The following SULF2 variants were observed in gnomAD, a reference collection of about 807,000 sequenced individuals.
SULF2 encodes sulfatase 2.
In SULF2, 52 loss-of-function variants were observed where a neutral mutation model predicts 107.7. The ratio of observed to expected loss-of-function variants is 0.48; its 90% CI spans 0.39 to 0.61. The LOEUF (loss-of-function observed/expected upper bound fraction) is 0.61, where lower values mean the gene tolerates loss of function less well. Among genes scored for constraint, SULF2 ranks in the 20% least tolerant of loss-of-function variants. SULF2 has a pLI of 0.00. For missense variants in SULF2, 993 were observed against 1,177.3 expected (o/e 0.84, Z 2.29); for synonymous variants, 460 against 464.3 (o/e 0.99, Z 0.12).
At chr20:47,780,286 A>G (rs1288199783) in intron 1 of SULF2, among the ~76,000 whole-genome samples, 1 of 151,250 alleles carries the variant, frequency 6.6e-6, no homozygotes, top group Non-Finnish European at 1.5e-5. Flanking sequence ...CAAAGTGCTG[A>G]GATTTCAGGC....
At chr20:47,713,423 A>T (rs1001962880) in intron 3 of SULF2, among the ~76,000 whole-genome samples, 3 of 152,168 alleles carry the variant, frequency 2.0e-5, no homozygotes, top group Non-Finnish European at 4.4e-5. Flanking sequence ...CAGTTTAAAA[A>T]GTTGTCCAAA....
intron 2 of SULF2, among the ~76,000 whole-genome samples, chr20:47,756,077 C>T (rs1395546374): frequency 3.3e-5 from 5 of 152,210 alleles, no homozygotes; most frequent in African/African-American, 4.8e-5. Context: ...AATGAACAAA[C>T]GTGCAGGGCA....
At chr20:47,746,994 A>ATATATATATAT (rs1555853891) in intron 2 of SULF2, among the ~76,000 whole-genome samples, 3 of 131,894 alleles carry the variant, frequency 2.3e-5, no homozygotes, top group Non-Finnish European at 4.9e-5. Flanking sequence ...AAAAAAAAAA[A>ATATATATATAT]ATATATATAT....
upstream of SULF2, among the ~76,000 whole-genome samples, chr20:47,785,684 G>A (rs1403832051): frequency 8.9e-5 from 13 of 146,882 alleles, no homozygotes; most frequent in African/African-American, 3.2e-4. Flanking sequence ...ACCGCCCCCC[G>A]CTCGCCTGCC....
intron 14 of SULF2, 32 bp downstream of exon 14, chr20:47,665,167 G>A: frequency 7.1e-7 from 1 of 1,414,104 alleles, no homozygotes; most frequent in Non-Finnish European, 1.0e-6. Context: ...GGAGAGTGGG[G>A]TCTTAGGGAG....
chr20:47,666,218 T>G lies in SULF2; in HGVS notation c.1805+42A>C. 2.5e-6 allele frequency: 4 copies of G among 1,611,876 alleles called. No homozygotes were observed. Among genetic ancestry groups the G allele is most frequent in the Non-Finnish European group, 2.5e-6 (3 of 1,178,786 alleles). On this transcript the variant is annotated intron_variant, in intron 12 of 20. Transcript: ENST00000688720. This position sits in a 1 kb window ranked among gnomAD's most constrained non-coding sequence, Gnocchi z 5.4. ...GTGTGGGAAGCCCTTTGCCGAGGTCTGTCCTGTCCCCTTCACCCTCGACTT... is the reference window on the plus strand; with the variant it reads ...GTGTGGGAAGCCCTTTGCCGAGGTCGGTCCTGTCCCCTTCACCCTCGACTT...
chr20:47,669,876 G>A lies in SULF2; in HGVS notation c.1576+2322C>T, dbSNP rs528721462. Among the ~76,000 whole-genome samples, 12 of 152,298 alleles carry A rather than the reference G, an allele frequency of 7.9e-5. No homozygotes were observed. The East Asian group carries it at 2.1e-3, about 27-fold the overall frequency. On this transcript the variant is annotated intron_variant, in intron 11 of 20. Coordinates refer to ENST00000688720, the MANE Select transcript of SULF2 (RefSeq NM_001387048.1). ...CCTGCCAGATCTTGTATTATTTAAA[G>A]ATTATCGACTGTGCCACATATTGAA... is the stretch of plus-strand genomic sequence containing the variant.
chr20:47,742,396 C>G (rs73315751), intron 2 of SULF2, among the ~76,000 whole-genome samples: 1 of 152,148 alleles, frequency 6.6e-6, no homozygotes, highest in Admixed American at 6.5e-5. Flanking sequence ...AAAACAGACC[C>G]GGTTTCTTTC....
intron 11 of SULF2, among the ~76,000 whole-genome samples, chr20:47,667,469 G>A (rs1000385603): frequency 6.6e-6 from 1 of 152,220 alleles, no homozygotes; most frequent in Non-Finnish European, 1.5e-5. Flanking sequence ...TAAAGAAAAA[G>A]GGGAGGTGGT....
At chr20:47,727,225 A>G (rs1036379255) in intron 3 of SULF2, among the ~76,000 whole-genome samples, 1 of 152,196 alleles carries the variant, frequency 6.6e-6, no homozygotes, top group African/African-American at 2.4e-5. Context: ...CTCTAGTCCA[A>G]TCACTGGTGT....
intron 3 of SULF2, 89 bp downstream of exon 3, chr20:47,736,614 T>C: frequency 6.5e-7 from 1 of 1,540,344 alleles, no homozygotes; most frequent in Admixed American, 1.8e-5. Context: ...CAGAATCAAC[T>C]TGGGTACCGC....
chr20:47,780,093 A>T (rs1269114162), intron 1 of SULF2, among the ~76,000 whole-genome samples: 3 of 145,532 alleles, frequency 2.1e-5, no homozygotes, highest in African/African-American at 5.1e-5. Context: ...CCCGGCTCAC[A>T]GCAACCCCTG....
intron 11 of SULF2, among the ~76,000 whole-genome samples, chr20:47,668,855 C>T (rs1002830877): frequency 1.3e-5 from 2 of 152,172 alleles, no homozygotes; most frequent in Admixed American, 6.5e-5. Context: ...TCGGCCACAC[C>T]GGTCACCTCT....
intron 13 of SULF2, among the ~76,000 whole-genome samples, 195 bp from the exon 14 acceptor site, chr20:47,665,488 C>T (rs1209427066): frequency 6.6e-6 from 1 of 152,160 alleles, no homozygotes; most frequent in African/African-American, 2.4e-5. Flanking sequence ...CCGCCTTCTC[C>T]TCCAGCCAGC....
chr20:47,715,747 A>G (rs2089097779), intron 3 of SULF2, among the ~76,000 whole-genome samples: 1 of 151,844 alleles, frequency 6.6e-6, no homozygotes, highest in Admixed American at 6.6e-5. Flanking sequence ...ATGCCTGGCT[A>G]ATTTTTGTAT....
chr20:47,772,912 G>A (rs988578006), intron 1 of SULF2, among the ~76,000 whole-genome samples: 7 of 152,150 alleles, frequency 4.6e-5, no homozygotes, highest in Non-Finnish European at 7.3e-5. Context: ...TGTTTGCAGT[G>A]GCCTTTGTCT....
chr20:47,755,800 A>G (rs1040468973), intron 2 of SULF2, among the ~76,000 whole-genome samples: 5 of 152,058 alleles, frequency 3.3e-5, no homozygotes, highest in Non-Finnish European at 5.9e-5. Context: ...CTAAGAATCA[A>G]ACTCAAAGCC....
In SULF2 at chr20:47,736,913, G is replaced by C. The variant is rs549518880; in HGVS notation, c.205C>G (p.Arg69Gly). 1 of 1,614,202 alleles carries C rather than the reference G, an allele frequency of 6.2e-7. No individual in the cohort carries two copies. The highest frequency in any genetic ancestry group is 1.3e-5 in the African/African-American group (1 of 75,064). ...GSMQVMNKTR[R>G]IMEQGGAHFI... is the part of the protein sequence containing the mutation. ...TGCGCCCCGCCCTGCTCCATGATGC[G>C]CCGGGTCTTGTTCATCACCTGCATG... Residue 69 changes from arginine (R) to glycine (G), a missense_variant, in exon 3 of 21, where the codon CGC becomes GGC. By Grantham distance (125) the Arg-to-Gly change is moderately radical. Transcript: ENST00000688720.
intron 1 of SULF2, among the ~76,000 whole-genome samples, chr20:47,776,237 C>T (rs1465841589): frequency 1.3e-5 from 2 of 152,240 alleles, no homozygotes; most frequent in Admixed American, 1.3e-4. Context: ...AATGTGAAAT[C>T]TCGTAGTTGT....
Sources: allele counts gnomAD v4.1 joint callset (sites outside exome capture counted in the v4.1 genomes callset), GRCh38; gene constraint gnomAD v4.1.1; non-coding constraint Gnocchi (gnomAD v3.1); transcripts MANE v1.5; gene names NCBI Gene and HGNC (gene_info 2026-07-23, HGNC 2026-07-21).